Variants in ANO3 observed in about 807,000 individuals in gnomAD.
ANO3 encodes anoctamin-3.
ANO3 carries 99 observed loss-of-function variants against 144.8 expected under a neutral mutation model. That is an observed-to-expected ratio of 0.68 (90% CI 0.58 to 0.81). The LOEUF is 0.81. Among genes scored for constraint, ANO3 ranks in the 30% least tolerant of loss-of-function variants. The probability of loss-of-function intolerance (pLI) is 0.00; values close to 1 mark genes in which losing one functional copy is unlikely to be tolerated. For missense variants in ANO3, 905 were observed against 1,202.2 expected, an observed-to-expected ratio of 0.75 and a Z score of 3.66; for synonymous variants, 414 against 392.6, an observed-to-expected ratio of 1.05 and a Z score of -0.64.
At chr11:26,530,705 A>T (rs1220567273) in intron 7 of ANO3, among the ~76,000 whole-genome samples, 1 of 151,952 alleles carries the variant, frequency 6.6e-6, no homozygotes, top group Non-Finnish European at 1.5e-5. Flanking sequence ...CCAAAAAAAA[A>T]TAAAAATAAA....
chr11:26,194,365 T>C (rs932572586), intron 1 of ANO3, among the ~76,000 whole-genome samples: 9 of 151,774 alleles, frequency 5.9e-5, no homozygotes, highest in Admixed American at 5.3e-4. Context: ...AAAGAAGGAC[T>C]TGGTAGGAAG....
In ANO3 at chr11:26,598,932, A is replaced by AC; in HGVS notation, c.1607dup (p.His537ThrfsTer79). 1 of 1,614,040 alleles carries AC rather than the reference A, an allele frequency of 6.2e-7. No individual in the cohort carries two copies. Among genetic ancestry groups the AC allele is most frequent in the Non-Finnish European group, 8.5e-7 (1 of 1,179,938 alleles). Reference sequence around the variant, plus strand: ...TAAATCCCATCACGGGAAAACCTGAACCACATCAGCCTTCCTCAGACAAAG... The same window carrying AC: ...TAAATCCCATCACGGGAAAACCTGAACCCACATCAGCCTTCCTCAGACAAAG... On this transcript the variant is annotated frameshift_variant, in exon 16 of 27. Coordinates refer to ENST00000256737, the MANE Select transcript of ANO3 (RefSeq NM_031418.4). LOFTEE classifies it high-confidence loss of function.
intron 6 of ANO3, among the ~76,000 whole-genome samples, chr11:26,523,609 A>G (rs1262512739): frequency 1.3e-5 from 2 of 151,462 alleles, no homozygotes; most frequent in Non-Finnish European, 2.9e-5. Flanking sequence ...TGCTCTCAGA[A>G]GAGAAAGGGA....
chr11:26,376,356 TACTC>T (rs961063547), intron 1 of ANO3, among the ~76,000 whole-genome samples: 1 of 152,060 alleles, frequency 6.6e-6, no homozygotes, highest in African/African-American at 2.4e-5. Context: ...ACAGGGAAAA[TACTC>T]ACATCACAGG....
intron 1 of ANO3, among the ~76,000 whole-genome samples, chr11:26,207,465 T>C (rs1276652327): frequency 6.6e-6 from 1 of 152,158 alleles, no homozygotes; most frequent in African/African-American, 2.4e-5. Context: ...AACAAATACC[T>C]TCAACTTCTT....
rs565237425 is a variant in ANO3 at position 26,560,953 on chromosome 11, C to T, written c.1447+1174C>T. The T allele has an allele frequency of 2.2e-5, 23 of 1,045,714 alleles. No individual in the cohort carries two copies. The South Asian group carries it at 3.0e-4, about 13-fold the overall frequency. 64.8% of individuals were successfully genotyped at this position (1,045,714 alleles called of 1,614,324 possible). A position where few individuals can be genotyped will look rare whatever the true frequency, so the allele number is the denominator to read the frequency against. ...ACTGGTCTCCTGCTTTTATGATTCT[C>T]CTTGACAAAATCCACGTGACAGTAA... On this transcript the variant is annotated intron_variant, in intron 14 of 26. Coordinates refer to ENST00000256737, the MANE Select transcript of ANO3 (RefSeq NM_031418.4).
intron 11 of ANO3, among the ~76,000 whole-genome samples, chr11:26,542,503 T>A (rs1358551064): frequency 6.6e-6 from 1 of 151,866 alleles, no homozygotes; most frequent in Non-Finnish European, 1.5e-5. Context: ...ACCTCCTGGC[T>A]CAACTTAACC....
chr11:26,286,517 A>C (rs1158958677), intron 1 of ANO3, among the ~76,000 whole-genome samples: 1 of 152,220 alleles, frequency 6.6e-6, no homozygotes, highest in African/African-American at 2.4e-5. Context: ...TGTATGACCA[A>C]TTGTATAATA....
intron 4 of ANO3, among the ~76,000 whole-genome samples, chr11:26,491,315 C>T (rs111544889): frequency 0.018 from 2,765 of 152,234 alleles, 89 homozygotes; most frequent in African/African-American, 0.063. Flanking sequence ...AGCCTGTATA[C>T]ACCAGCCATA....
intron 14 of ANO3, among the ~76,000 whole-genome samples, chr11:26,588,010 A>T (rs1851337963): frequency 6.6e-6 from 1 of 152,036 alleles, no homozygotes; most frequent in African/African-American, 2.4e-5. Context: ...ATCAAGTCAT[A>T]TAATCTTTTT....
intron 1 of ANO3, among the ~76,000 whole-genome samples, chr11:26,278,251 C>A (rs141546729): frequency 1.8e-4 from 28 of 152,168 alleles, no homozygotes; most frequent in Admixed American, 3.3e-4. Flanking sequence ...ACATGAAGAC[C>A]CTTGCTCATT....
intron 9 of ANO3, among the ~76,000 whole-genome samples, chr11:26,536,685 A>G (rs972787264): frequency 1.3e-5 from 2 of 152,296 alleles, no homozygotes; most frequent in African/African-American, 2.4e-5. Flanking sequence ...TATTATAAAT[A>G]GCTGTACAAT....
chr11:26,441,333 G>A (rs541361058), intron 1 of ANO3, among the ~76,000 whole-genome samples: 36 of 151,320 alleles, frequency 2.4e-4, no homozygotes, highest in African/African-American at 8.5e-4. Context: ...TAGCCGGGAT[G>A]GTCTCGATCT....
At chr11:26,492,303 G>A (rs914763585) in intron 4 of ANO3, among the ~76,000 whole-genome samples, 1 of 152,126 alleles carries the variant, frequency 6.6e-6, no homozygotes, top group Non-Finnish European at 1.5e-5. Flanking sequence ...TGCTTAAATG[G>A]TGATGGCACA....
intron 14 of ANO3, among the ~76,000 whole-genome samples, chr11:26,577,268 AAGAG>A (rs1851011342): frequency 6.6e-6 from 1 of 152,198 alleles, no homozygotes; most frequent in African/African-American, 2.4e-5. Flanking sequence ...TTTTTTAAAA[AAGAG>A]AGAGAAAGTG....
At chr11:26,423,147 A>G (rs1047970433) in intron 1 of ANO3, among the ~76,000 whole-genome samples, 4 of 151,882 alleles carry the variant, frequency 2.6e-5, no homozygotes, top group African/African-American at 9.7e-5. Context: ...GCCTAATCCT[A>G]TGAAGAAAAA....
At chr11:26,540,680 C>G (rs374908188) in intron 10 of ANO3, among the ~76,000 whole-genome samples, 1 of 151,956 alleles carries the variant, frequency 6.6e-6, no homozygotes, top group Non-Finnish European at 1.5e-5. Context: ...ATGGGGCCAA[C>G]AAAGATATGA....
chr11:26,377,983 T>C (rs1232569428), intron 1 of ANO3, among the ~76,000 whole-genome samples: 1 of 152,072 alleles, frequency 6.6e-6, no homozygotes, highest in East Asian at 1.9e-4. Context: ...AGTTTTTTAA[T>C]ATGTACCAGG....
At chr11:26,538,898 T>G (rs2134199642) in intron 10 of ANO3, among the ~76,000 whole-genome samples, 1 of 152,160 alleles carries the variant, frequency 6.6e-6, no homozygotes, top group South Asian at 2.1e-4. Context: ...AAAATAAGGC[T>G]TATTAGGAGG....
Sources: gnomAD v4.1 joint callset for allele counts (sites outside exome capture counted in the v4.1 genomes callset) on GRCh38, gnomAD v4.1.1 for gene constraint, MANE v1.5 for transcripts, NCBI Gene and HGNC (gene_info 2026-07-23, HGNC 2026-07-21) for gene names.